The following PSMA8 variants were observed in gnomAD, a reference collection of about 807,000 sequenced individuals.
PSMA8 encodes proteasome 20S subunit alpha 8.
In PSMA8, 18 loss-of-function variants were observed where a neutral mutation model predicts 32.4. The ratio of observed to expected loss-of-function variants is 0.56; its 90% CI spans 0.38 to 0.82. PSMA8 has a LOEUF of 0.82. Among genes scored for constraint, PSMA8 ranks in the 40% least tolerant of loss-of-function variants. The probability of loss-of-function intolerance (pLI) is 0.00; values close to 1 mark genes in which losing one functional copy is unlikely to be tolerated. For synonymous variants in PSMA8, 104 were observed against 98.1 expected (o/e 1.06, Z -0.36); for missense variants, 298 against 300.7 (o/e 0.99, Z 0.07).
At chr18:26,184,822 C>G (rs1221362203) in intron 6 of PSMA8, among the ~76,000 whole-genome samples, 1 of 146,250 alleles carries the variant, frequency 6.8e-6, no homozygotes, top group Non-Finnish European at 1.5e-5. Context: ...CACAGTGGCT[C>G]ATGCATGTAA....
At chr18:26,171,962 A>T (rs2055225630) in intron 4 of PSMA8, among the ~76,000 whole-genome samples, 1 of 152,198 alleles carries the variant, frequency 6.6e-6, no homozygotes, top group Admixed American at 6.5e-5. Flanking sequence ...CACAGAGTTG[A>T]TGTAATATGG....
intron 6 of PSMA8, 112 bp downstream of exon 6, chr18:26,179,242 C>A: frequency 1.5e-6 from 1 of 657,470 alleles, no homozygotes; most frequent in Non-Finnish European, 2.6e-6. Context: ...TCATTAATGT[C>A]AAATAACCTC....
At chr18:26,137,197 C>G (rs537999539) in intron 1 of PSMA8, among the ~76,000 whole-genome samples, 1 of 152,266 alleles carries the variant, frequency 6.6e-6, no homozygotes, top group South Asian at 2.1e-4. Context: ...GTGGCTGATG[C>G]CTGTAATGCT....
chr18:26,157,274 C>T (rs149722796), intron 3 of PSMA8, among the ~76,000 whole-genome samples: 3 of 151,520 alleles, frequency 2.0e-5, no homozygotes, highest in South Asian at 2.1e-4. Flanking sequence ...GTCCTTAGAC[C>T]GGGCGCGGTG....
At chr18:26,181,289 C>T (rs987359581) in intron 6 of PSMA8, among the ~76,000 whole-genome samples, 3 of 152,092 alleles carry the variant, frequency 2.0e-5, no homozygotes, top group African/African-American at 4.8e-5. Context: ...TTTGGAGTGC[C>T]ATGAACTGCA....
Position 26,178,846 on chromosome 18 carries a change from G to T in PSMA8, c.494G>T (p.Arg165Leu), listed in dbSNP as rs532670296. 6.2e-7 allele frequency: 1 copy of T among 1,611,676 alleles called. No individual in the cohort carries two copies. Among genetic ancestry groups the T allele is most frequent in the Admixed American group, 1.7e-5 (1 of 59,658 alleles). The part of the protein sequence containing the change: ...YHAWKANAIG[R>L]SAKTVREFLE... Reference sequence around the variant, plus strand: ...TTTTTCAAGGCAAATGCAATAGGCCGAAGTGCTAAAACTGTTCGAGAATTT... The same window carrying T: ...TTTTTCAAGGCAAATGCAATAGGCCTAAGTGCTAAAACTGTTCGAGAATTT... The change falls in exon 5 of 7, where the codon CGA (arginine) becomes CTA (leucine). Residue 165 changes from arginine (R) to leucine (L), a missense_variant. Coordinates refer to ENST00000415576, the MANE Select transcript of PSMA8 (RefSeq NM_001025096.2).
intron 3 of PSMA8, among the ~76,000 whole-genome samples, chr18:26,154,639 G>C (rs908115613): frequency 7.9e-5 from 12 of 152,032 alleles, no homozygotes; most frequent in African/African-American, 2.9e-4. Flanking sequence ...TTTTGAGATG[G>C]AGTCTCACTC....
intron 4 of PSMA8, among the ~76,000 whole-genome samples, 195 bp from the exon 5 acceptor site, chr18:26,178,635 G>T (rs981383180): frequency 6.6e-6 from 1 of 152,066 alleles, no homozygotes; most frequent in Non-Finnish European, 1.5e-5. Context: ...TAAAAACCAT[G>T]CCACCATTAC....
chr18:26,151,577 ATTG>A (rs2055045912), intron 2 of PSMA8, among the ~76,000 whole-genome samples: 1 of 152,228 alleles, frequency 6.6e-6, no homozygotes. Context: ...AAGTAATATT[ATTG>A]TTTTCATAAG....
chr18:26,188,731 A>G (rs944429267), intron 6 of PSMA8, among the ~76,000 whole-genome samples: 2 of 152,206 alleles, frequency 1.3e-5, no homozygotes, highest in African/African-American at 2.4e-5. Flanking sequence ...TGCTAAGAAC[A>G]TACACTGGGA....
At chr18:26,140,147 T>A (rs1216035907) in intron 1 of PSMA8, 1 of 703,014 alleles carries the variant, frequency 1.4e-6, no homozygotes, top group East Asian at 2.7e-5. Context: ...CAGGAAAAGT[T>A]CTTCACCAGT....
At chr18:26,173,276 T>C (rs1300722627) in intron 4 of PSMA8, among the ~76,000 whole-genome samples, 1 of 152,168 alleles carries the variant, frequency 6.6e-6, no homozygotes, top group Non-Finnish European at 1.5e-5. Context: ...ATGTGTACTT[T>C]CCTCAGGGCT....
rs146728451 is a variant in PSMA8 at position 26,163,595 on chromosome 18, G to T, written c.477+5351G>T. 3.2e-3 allele frequency among the ~76,000 whole-genome samples: 492 copies of T among 152,266 alleles called. 4 individuals carry two copies. The highest frequency in any genetic ancestry group is 0.01 in the African/African-American group (435 of 41,550). On this transcript the variant is annotated intron_variant, in intron 4 of 6. Transcript: ENST00000415576. ...TCTCAAACTTTTTGAGCACCAACGTGACTACGCTACAGCAAGTCAACAAGA... is the reference window on the plus strand; with the variant it reads ...TCTCAAACTTTTTGAGCACCAACGTTACTACGCTACAGCAAGTCAACAAGA...
chr18:26,172,153 G>A (rs1310684943), intron 4 of PSMA8, among the ~76,000 whole-genome samples: 1 of 152,214 alleles, frequency 6.6e-6, no homozygotes, highest in African/African-American at 2.4e-5. Context: ...TTGTCTGACA[G>A]CCCAAGGCAC....
chr18:26,192,306 T>C lies in PSMA8; in HGVS notation c.661-13T>C. On this transcript the variant is annotated splice_polypyrimidine_tract_variant and intron_variant, in intron 6 of 6. Transcript: ENST00000415576. ...AACTGACATTTGATCTTTAAATTTT[T>C]TTCTCTTTTCAGATGTTTAGTGCAA... 1 of 1,476,032 alleles carries C rather than the reference T, an allele frequency of 6.8e-7. No homozygotes were observed. The highest frequency in any genetic ancestry group is 8.9e-7 in the Non-Finnish European group (1 of 1,119,048). The allele number at this position is 1,476,032 out of a possible 1,614,324, so 91.4% of individuals were successfully genotyped here.
At chr18:26,169,704 G>A (rs1163650302) in intron 4 of PSMA8, among the ~76,000 whole-genome samples, 1 of 129,114 alleles carries the variant, frequency 7.7e-6, no homozygotes, top group Non-Finnish European at 1.5e-5. Flanking sequence ...AAAATTAGCC[G>A]GGCGTGGTGG....
intron 6 of PSMA8, among the ~76,000 whole-genome samples, chr18:26,191,975 A>G (rs1364310582): frequency 6.6e-6 from 1 of 152,224 alleles, no homozygotes; most frequent in Non-Finnish European, 1.5e-5. Flanking sequence ...AGTAGGGTGC[A>G]GTTGGGAGAG....
At chr18:26,154,883 G>C (rs2055075681) in intron 3 of PSMA8, among the ~76,000 whole-genome samples, 1 of 152,194 alleles carries the variant, frequency 6.6e-6, no homozygotes, top group South Asian at 2.1e-4. Context: ...CCGAAGTGCT[G>C]GGATTACAGG....
At chr18:26,153,130 A>G (rs1423753641) in intron 3 of PSMA8, among the ~76,000 whole-genome samples, 1 of 151,960 alleles carries the variant, frequency 6.6e-6, no homozygotes, top group Non-Finnish European at 1.5e-5. Context: ...ATTTTTTTTT[A>G]CTAATTTTAA....
Sources: allele counts gnomAD v4.1 joint callset (sites outside exome capture counted in the v4.1 genomes callset), GRCh38; gene constraint gnomAD v4.1.1; transcripts MANE v1.5; gene names NCBI Gene and HGNC (gene_info 2026-07-23, HGNC 2026-07-21).